Variants in MOGAT1 observed in about 807,000 individuals in gnomAD.
MOGAT1 encodes the protein monoacylglycerol O-acyltransferase 1.
Under a neutral mutation model 31.4 loss-of-function variants are expected in MOGAT1, and 32 were observed. The observed-to-expected ratio is 1.02, with a 90% CI of 0.77 to 1.37. The LOEUF (loss-of-function observed/expected upper bound fraction) is 1.37. MOGAT1 is among the 40% of genes most tolerant of loss of function. The pLI is 0.00. For synonymous variants in MOGAT1, 145 were observed against 144.5 expected (o/e 1.00, Z -0.03); for missense variants, 426 against 402.0 (o/e 1.06, Z -0.51).
chr2:222,694,543 G>A lies in MOGAT1; in HGVS notation c.653+7G>A. ...AAATTGCTTTGACCCATGGGTAAGT[G>A]GCTTTTTGTATAAAGTAGGGGGTCA... is the stretch of plus-strand genomic sequence containing the variant. On this transcript the variant is annotated splice_region_variant and intron_variant, in intron 4 of 5. Coordinates refer to ENST00000446656, the MANE Select transcript of MOGAT1 (RefSeq NM_058165.3). The A allele has an allele frequency of 6.2e-7, 1 of 1,611,298 alleles. No individual in the cohort carries two copies.
intron 3 of MOGAT1, among the ~76,000 whole-genome samples, chr2:222,689,857 T>G (rs905658245): frequency 2.0e-5 from 3 of 152,254 alleles, no homozygotes; most frequent in Non-Finnish European, 4.4e-5. Flanking sequence ...TTACGAATAC[T>G]AGAAATGGAA....
At chr2:222,680,368 A>G (rs1692558640) in intron 1 of MOGAT1, among the ~76,000 whole-genome samples, 1 of 152,210 alleles carries the variant, frequency 6.6e-6, no homozygotes, top group African/African-American at 2.4e-5. Context: ...TGCCTTCATC[A>G]GGCAAGGAAG....
intron 3 of MOGAT1, among the ~76,000 whole-genome samples, chr2:222,692,296 T>C (rs1692774908): frequency 6.6e-6 from 1 of 152,242 alleles, no homozygotes; most frequent in Non-Finnish European, 1.5e-5. Context: ...TCTCTAAGAC[T>C]TAATGATTGA....
At chr2:222,682,676 C>T (rs546119544) in intron 1 of MOGAT1, among the ~76,000 whole-genome samples, 6 of 152,196 alleles carry the variant, frequency 3.9e-5, no homozygotes, top group African/African-American at 1.4e-4. Context: ...GGGAGCAACC[C>T]AAATGTCTGT....
intron 1 of MOGAT1, among the ~76,000 whole-genome samples, chr2:222,684,860 C>T (rs1375232439): frequency 2.6e-5 from 4 of 152,266 alleles, no homozygotes; most frequent in East Asian, 3.9e-4. Context: ...CAAGCGTGAG[C>T]CACCGTGCCC....
chr2:222,702,167 A>G (rs1438707077), intron 5 of MOGAT1, among the ~76,000 whole-genome samples: 2 of 152,216 alleles, frequency 1.3e-5, no homozygotes, highest in African/African-American at 4.8e-5. Flanking sequence ...AGATTGTGGG[A>G]CATTGTACAG....
At chr2:222,694,565 G>T (rs764219175) in intron 4 of MOGAT1, 29 bp downstream of exon 4, 1 of 1,600,772 alleles carries the variant, frequency 6.2e-7, no homozygotes, top group Non-Finnish European at 8.5e-7. Context: ...AAAGTAGGGG[G>T]TCAGAAAAGT....
intron 5 of MOGAT1, among the ~76,000 whole-genome samples, chr2:222,695,804 T>C (rs932376152): frequency 6.6e-6 from 1 of 152,106 alleles, no homozygotes; most frequent in Non-Finnish European, 1.5e-5. Flanking sequence ...GAACAGGTGG[T>C]GTTTGGTCAC....
chr2:222,686,004 TG>T lies in MOGAT1; in HGVS notation c.95-2336del, dbSNP rs1479882024. On this transcript the variant is annotated intron_variant, in intron 1 of 5. Coordinates refer to ENST00000446656, the MANE Select transcript of MOGAT1 (RefSeq NM_058165.3). ...TTAGTGAAATATTGAATTAGTAGCT[TG>T]GGGACATTATTTTTGGATCTGTTCC... Among the ~76,000 whole-genome samples, 12 of 152,292 alleles carry T rather than the reference TG, an allele frequency of 7.9e-5. 1 individual carries two copies. Among genetic ancestry groups the T allele is most frequent in the Admixed American group, 7.9e-4 (12 of 15,286 alleles).
intron 1 of MOGAT1, among the ~76,000 whole-genome samples, chr2:222,680,399 C>A (rs532306933): frequency 6.6e-6 from 1 of 151,694 alleles, no homozygotes; most frequent in African/African-American, 2.4e-5. Flanking sequence ...ATTGGCTGTG[C>A]TATAAAACAA....
At chr2:222,678,297 G>A (rs1692528185) in intron 1 of MOGAT1, 1 of 152,230 alleles carries the variant, frequency 6.6e-6, no homozygotes, top group Non-Finnish European at 1.5e-5. Flanking sequence ...GTGTGTAGTG[G>A]TGTCTCGATG....
chr2:222,688,659 A>G (rs1692713190), intron 2 of MOGAT1, 137 bp downstream of exon 2: 1 of 649,118 alleles, frequency 1.5e-6, no homozygotes, highest in South Asian at 2.3e-5. Context: ...AGAATACCAA[A>G]GACTAGGTAA....
At chr2:222,695,666 C>T (rs866242892) in intron 5 of MOGAT1, among the ~76,000 whole-genome samples, 41 of 152,142 alleles carry the variant, frequency 2.7e-4, no homozygotes, top group African/African-American at 8.9e-4. Flanking sequence ...TAAGTGTCCT[C>T]ATTATGTTCA....
At position 222,694,370 on chromosome 2, in the gene MOGAT1, T is replaced by C. The variant is rs1868024; in HGVS notation, c.487T>C (p.Ser163Pro). Reference protein sequence around the residue: ...REYVMSVGLVSVSKKSVSYMV... With the variant: ...REYVMSVGLVPVSKKSVSYMV... ...TTGTTTTATTCACTAAGGGCTGGTT[T>C]CAGTTTCCAAGAAAAGTGTGTCCTA... The change falls in exon 4 of 6, where the codon TCA (serine) becomes CCA (proline). Residue 163 changes from serine (S) to proline (P), a missense_variant. Transcript: ENST00000446656. 0.22 allele frequency: 346,428 copies of C among 1,605,052 alleles called. 38,691 individuals carry two copies. Among genetic ancestry groups the C allele is most frequent in the African/African-American group, 0.34 (25,391 of 74,624 alleles).
intron 1 of MOGAT1, among the ~76,000 whole-genome samples, chr2:222,675,208 G>A (rs1177017376): frequency 2.0e-5 from 3 of 152,234 alleles, no homozygotes; most frequent in Non-Finnish European, 4.4e-5. Context: ...AAAGATGGAA[G>A]TTAGAGCTAA....
intron 1 of MOGAT1, among the ~76,000 whole-genome samples, chr2:222,672,952 T>C (rs1414712245): frequency 3.3e-5 from 5 of 150,404 alleles, no homozygotes; most frequent in Non-Finnish European, 7.4e-5. Context: ...TCACTCTTGT[T>C]GCCCACGCTG....
At chr2:222,684,692 T>C (rs1027781352) in intron 1 of MOGAT1, among the ~76,000 whole-genome samples, 27 of 152,018 alleles carry the variant, frequency 1.8e-4, no homozygotes, top group African/African-American at 6.5e-4. Flanking sequence ...TTCTCCTGCC[T>C]CAGCCTCCCA....
At chr2:222,673,959 A>G (rs895725262) in intron 1 of MOGAT1, among the ~76,000 whole-genome samples, 5 of 152,258 alleles carry the variant, frequency 3.3e-5, no homozygotes, top group Non-Finnish European at 5.9e-5. Context: ...TCTATCACCC[A>G]GAATAGGAAT....
Position 222,676,684 on chromosome 2 carries a change from A to G in MOGAT1, c.94+4805A>G, listed in dbSNP as rs146340105. ...ACCAAAGTTTCTTCCAAAGTATTATATCATTTTACATTCTCACTGGCAGGG... is the reference window on the plus strand; with the variant it reads ...ACCAAAGTTTCTTCCAAAGTATTATGTCATTTTACATTCTCACTGGCAGGG... On this transcript the variant is annotated intron_variant, in intron 1 of 5. Transcript: ENST00000446656. 8.2e-3 allele frequency among the ~76,000 whole-genome samples: 1,252 copies of G among 152,326 alleles called. 11 individuals carry two copies. Among genetic ancestry groups the G allele is most frequent in the Non-Finnish European group, 0.012 (819 of 68,028 alleles).
Sources: allele counts gnomAD v4.1 joint callset (sites outside exome capture counted in the v4.1 genomes callset), GRCh38; gene constraint gnomAD v4.1.1; transcripts MANE v1.5; gene names NCBI Gene and HGNC (gene_info 2026-07-23, HGNC 2026-07-21).